CD36: variants seen among roughly 807,000 people sequenced by gnomAD.
The protein encoded by CD36 is platelet glycoprotein 4.
Under a neutral mutation model 55.2 loss-of-function variants are expected in CD36, and 119 were observed. The ratio of observed to expected loss-of-function variants is 2.15; its 90% CI spans 1.86 to 2.51. The LOEUF (loss-of-function observed/expected upper bound fraction) is 2.51. Ranked by LOEUF, CD36 falls within the 30% of genes most tolerant of loss-of-function variation. The pLI, the probability that CD36 is intolerant of heterozygous loss-of-function variation, is 0.00. For synonymous variants in CD36, 186 were observed against 193.6 expected (o/e 0.96, Z 0.33); for missense variants, 819 against 555.5 (o/e 1.47, Z -4.77).
intron 1 of CD36, among the ~76,000 whole-genome samples, chr7:80,644,834 G>A: frequency 6.6e-6 from 1 of 152,152 alleles, no homozygotes. Context: ...TTTCAAAGTA[G>A]AGAATAATTG....
At chr7:80,653,441 A>G (rs1209220712) in intron 3 of CD36, among the ~76,000 whole-genome samples, 1 of 152,198 alleles carries the variant, frequency 6.6e-6, no homozygotes, top group East Asian at 1.9e-4. Flanking sequence ...TCTGTTTTCA[A>G]ATTAATGTAG....
rs3211809 is a variant in CD36, at chr7:80,647,178, G to A, written c.120+318G>A. 0.96 allele frequency: 308,233 copies of A among 319,488 alleles called. 148,940 individuals are homozygous for A. Among genetic ancestry groups the A allele is most frequent in the East Asian group, 1 (13,348 of 13,350 alleles). The allele number at this position is 319,488 out of a possible 1,614,324, so 19.8% of individuals were successfully genotyped here. On this transcript the variant is annotated intron_variant, in intron 3 of 14. Coordinates refer to ENST00000447544, the MANE Select transcript of CD36 (RefSeq NM_001001548.3). ...AAAGAGCATGTTGGCATGCTTTTGA[G>A]TAGGAAATAAGTGAGTATATTTTGT...
intron 1 of CD36, among the ~76,000 whole-genome samples, chr7:80,641,261 G>C (rs1261283672): frequency 6.6e-6 from 1 of 152,014 alleles, no homozygotes; most frequent in East Asian, 1.9e-4. Context: ...ATAGTTAAAT[G>C]ATTGTTTTAC....
chr7:80,666,234 G>A (rs1049570334), intron 7 of CD36: 1 of 483,982 alleles, frequency 2.1e-6, no homozygotes, highest in Admixed American at 3.4e-5. Flanking sequence ...TTTATTTTAT[G>A]ATCTGGCTAC....
chr7:80,655,500 C>G lies in CD36; in HGVS notation c.121-1040C>G, dbSNP rs552317560. Among the ~76,000 whole-genome samples, 111 of 152,200 alleles carry G rather than the reference C, an allele frequency of 7.3e-4. 1 individual carries two copies. The highest frequency in any genetic ancestry group is 1.4e-3 in the Non-Finnish European group (96 of 68,022). ...ATTGGTGTATTTTCCACTTGTCTAT[C>G]TTTACCAAAGGAGCATCAGTGATTT... is the stretch of plus-strand genomic sequence containing the variant. On this transcript the variant is annotated intron_variant, in intron 3 of 14. Transcript: ENST00000447544.
At chr7:80,656,780 T>C (rs1796125694) in intron 4 of CD36, 80 bp downstream of exon 4, 1 of 1,270,754 alleles carries the variant, frequency 7.9e-7, no homozygotes. Context: ...GCAAATGTCA[T>C]TGTATTGAAA....
chr7:80,613,596 TGTAGTTAAGAA>T lies in CD36; in HGVS notation c.-184+11221_-184+11231del, dbSNP rs1792992737. On this transcript the variant is annotated intron_variant, in intron 1 of 13. Coordinates refer to the CD36 transcript ENST00000309881. ...AGAAATAATTTACTGAACAGGAAAC[TGTAGTTAAGAA>T]GTAAAAATCACAGTGAAAAATTTTA... is the stretch of plus-strand genomic sequence containing the variant. Among the ~76,000 whole-genome samples the T allele has an allele frequency of 2.6e-5, 4 of 152,250 alleles. No homozygotes were observed. In the South Asian group the frequency reaches 6.2e-4, roughly 24 times the overall value.
chr7:80,668,040 C>T (rs1158374084), intron 8 of CD36, among the ~76,000 whole-genome samples: 1 of 152,076 alleles, frequency 6.6e-6, no homozygotes, highest in African/African-American at 2.4e-5. Context: ...AGCCACCACA[C>T]CTGGCCAAGG....
At chr7:80,674,809 A>C (rs1798091404) in intron 14 of CD36, among the ~76,000 whole-genome samples, 1 of 151,994 alleles carries the variant, frequency 6.6e-6, no homozygotes, top group Non-Finnish European at 1.5e-5. Context: ...ATTTTTCTTC[A>C]GCCCACCTCA....
chr7:80,667,410 A>T lies in CD36; in HGVS notation c.748+921A>T, dbSNP rs965116720. 2.1e-4 allele frequency among the ~76,000 whole-genome samples: 30 copies of T among 141,744 alleles called. 1 individual carries two copies. The highest frequency in any genetic ancestry group is 6.7e-4 in the African/African-American group (25 of 37,550). 93.0% of individuals were successfully genotyped at this position (141,744 alleles called of 152,430 possible). A position where few individuals can be genotyped will look rare whatever the true frequency, so the allele number is the denominator to read the frequency against. On this transcript the variant is annotated intron_variant, in intron 8 of 14. Transcript: ENST00000447544. ...GTGCCTCTGCACTCTAGCCTGGGCA[A>T]TAGTGTGAGACCCTGTCTCAAAAAA...
At chr7:80,642,214 T>C (rs1341886115) in intron 1 of CD36, among the ~76,000 whole-genome samples, 1 of 152,146 alleles carries the variant, frequency 6.6e-6, no homozygotes, top group African/African-American at 2.4e-5. Context: ...AAGTAAATTA[T>C]TACCGATACA....
chr7:80,630,981 A>T (rs1383509918), intron 1 of CD36, among the ~76,000 whole-genome samples: 1 of 152,072 alleles, frequency 6.6e-6, no homozygotes, highest in Non-Finnish European at 1.5e-5. Flanking sequence ...GCACTGTAGA[A>T]TAGAACAGTT....
chr7:80,646,928 A>G, intron 3 of CD36, 68 bp downstream of exon 3: 2 of 1,554,846 alleles, frequency 1.3e-6, no homozygotes, highest in Non-Finnish European at 1.8e-6. Flanking sequence ...TTTGCTTTGT[A>G]TTTACCTGCT....
At chr7:80,675,433 T>C (rs532934185) in intron 14 of CD36, among the ~76,000 whole-genome samples, 113 of 151,786 alleles carry the variant, frequency 7.4e-4, no homozygotes, top group African/African-American at 2.5e-3. Flanking sequence ...GAATTAAAAT[T>C]ATGTGATACA....
chr7:80,654,762 C>T (rs1428820498), intron 3 of CD36, among the ~76,000 whole-genome samples: 2 of 152,056 alleles, frequency 1.3e-5, no homozygotes, highest in East Asian at 1.9e-4. Context: ...TCCATTTTAA[C>T]TTGGTGCCCA....
At chr7:80,676,253 T>A (rs1337031232) in intron 14 of CD36, 131 bp from the exon 15 acceptor site, 4 of 152,178 alleles carry the variant, frequency 2.6e-5, no homozygotes, top group South Asian at 2.1e-4. Flanking sequence ...ATTTCTTTTT[T>A]TGCACTAAGC....
chr7:80,647,492 T>C (rs1475474371), intron 3 of CD36, among the ~76,000 whole-genome samples: 1 of 152,120 alleles, frequency 6.6e-6, no homozygotes, highest in Non-Finnish European at 1.5e-5. Flanking sequence ...TTGACTGTAG[T>C]GTGAAAAAAC....
intron 3 of CD36, among the ~76,000 whole-genome samples, chr7:80,655,276 T>G (rs911919030): frequency 6.6e-6 from 1 of 152,144 alleles, no homozygotes; most frequent in African/African-American, 2.4e-5. Flanking sequence ...CACCTTTGTT[T>G]GCACTATCTA....
chr7:80,657,469 C>T (rs138429524), intron 4 of CD36, among the ~76,000 whole-genome samples: 2 of 152,244 alleles, frequency 1.3e-5, no homozygotes, highest in Non-Finnish European at 2.9e-5. Context: ...GTTTAACACA[C>T]TTTTGAACAG....
Sources: gnomAD v4.1 joint callset for allele counts (sites outside exome capture counted in the v4.1 genomes callset) on GRCh38, gnomAD v4.1.1 for gene constraint, MANE v1.5 for transcripts, NCBI Gene and HGNC (gene_info 2026-07-23, HGNC 2026-07-21) for gene names.